The following TRPC4AP variants were observed in gnomAD, a reference collection of about 807,000 sequenced individuals.
TRPC4AP encodes transient receptor potential cation channel subfamily C member 4 associated protein.
In TRPC4AP, 45 loss-of-function variants were observed where a neutral mutation model predicts 99.0. That is an observed-to-expected ratio of 0.45 (90% CI 0.36 to 0.58). The LOEUF (loss-of-function observed/expected upper bound fraction) is 0.58, where lower values mean the gene tolerates loss of function less well. TRPC4AP is among the 20% of genes least tolerant of loss of function. The probability of loss-of-function intolerance (pLI) is 0.00; values close to 1 mark genes in which losing one functional copy is unlikely to be tolerated. For missense variants in TRPC4AP, 879 were observed against 985.3 expected, an observed-to-expected ratio of 0.89 and a Z score of 1.44; for synonymous variants, 408 against 385.8, an observed-to-expected ratio of 1.06 and a Z score of -0.67.
chr20:35,068,307 G>C (rs183031797), intron 3 of TRPC4AP, among the ~76,000 whole-genome samples: 1 of 151,924 alleles, frequency 6.6e-6, no homozygotes, highest in African/African-American at 2.4e-5. Context: ...TTGTTCCTGG[G>C]GATATAAACT....
At position 35,003,097 on chromosome 20, in the gene TRPC4AP, C is replaced by T. The variant is rs2082427716; in HGVS notation, c.*49G>A. The T allele has an allele frequency of 2.5e-6, 4 of 1,608,948 alleles. No individual in the cohort carries two copies. The highest frequency in any genetic ancestry group is 3.4e-6 in the Non-Finnish European group (4 of 1,177,404). On this transcript the variant is annotated 3_prime_UTR_variant, in exon 19 of 19. Coordinates refer to ENST00000252015, the MANE Select transcript of TRPC4AP (RefSeq NM_015638.3). Reference sequence around the variant, plus strand: ...CAGGGCAGGGCGTGTGGCATCGTACCCACGCTCACCCACACTGGCCCAGCA... The same window carrying T: ...CAGGGCAGGGCGTGTGGCATCGTACTCACGCTCACCCACACTGGCCCAGCA...
At chr20:35,067,355 T>C (rs1393596990) in intron 3 of TRPC4AP, among the ~76,000 whole-genome samples, 5 of 152,120 alleles carry the variant, frequency 3.3e-5, no homozygotes, top group Admixed American at 6.5e-5. Flanking sequence ...ACTTTCAAAA[T>C]GACAGATAAC....
At chr20:35,078,242 GA>G (rs2146017123) in intron 1 of TRPC4AP, 68 bp from the exon 2 acceptor site, 1 of 1,541,844 alleles carries the variant, frequency 6.5e-7, no homozygotes, top group Non-Finnish European at 8.8e-7. Flanking sequence ...CGGCAAAGGA[GA>G]GCAGCCGACT....
intron 3 of TRPC4AP, among the ~76,000 whole-genome samples, chr20:35,066,026 TCTTTA>T (rs1283251815): frequency 7.9e-5 from 12 of 152,194 alleles, no homozygotes; most frequent in South Asian, 2.1e-4. Context: ...TCACACTCAA[TCTTTA>T]CTTTACTGGA....
intron 1 of TRPC4AP, among the ~76,000 whole-genome samples, chr20:35,089,495 G>A (rs1310665713): frequency 6.6e-6 from 1 of 150,908 alleles, no homozygotes; most frequent in Non-Finnish European, 1.5e-5. Flanking sequence ...GTCTCCCAAA[G>A]TGCTGGGATT....
intron 8 of TRPC4AP, among the ~76,000 whole-genome samples, chr20:35,030,119 T>C (rs1332002313): frequency 1.3e-5 from 2 of 150,774 alleles, no homozygotes; most frequent in Non-Finnish European, 3.0e-5. Context: ...CACATGCCTG[T>C]AATCCCAGCT....
At chr20:35,021,520 G>A (rs764370691) in intron 8 of TRPC4AP, among the ~76,000 whole-genome samples, 164 bp from the exon 9 acceptor site, 2 of 152,246 alleles carry the variant, frequency 1.3e-5, no homozygotes, top group Non-Finnish European at 2.9e-5. Flanking sequence ...AATCCCAGGA[G>A]CCAGGTGAGC....
chr20:35,014,314 AT>A (rs66518839), intron 10 of TRPC4AP, among the ~76,000 whole-genome samples: 38 of 113,180 alleles, frequency 3.4e-4, no homozygotes, highest in East Asian at 5.1e-4. Context: ...CTCAGGCAGA[AT>A]TTTTTTTTTT....
chr20:35,065,783 C>T (rs1463772513), intron 3 of TRPC4AP, among the ~76,000 whole-genome samples: 1 of 152,138 alleles, frequency 6.6e-6, no homozygotes, highest in African/African-American at 2.4e-5. Flanking sequence ...TACTAGAGAG[C>T]CACATTTCCA....
chr20:35,023,025 A>C (rs1362015599), intron 8 of TRPC4AP, among the ~76,000 whole-genome samples: 1 of 26,610 alleles, frequency 3.8e-5, no homozygotes, highest in African/African-American at 7.6e-5. Flanking sequence ...GGACTGTCTC[A>C]AAAAAAAAAA....
intron 3 of TRPC4AP, among the ~76,000 whole-genome samples, chr20:35,063,850 C>T (rs1479288533): frequency 2.0e-5 from 3 of 152,034 alleles, no homozygotes; most frequent in African/African-American, 7.2e-5. Context: ...CACAGTGCAA[C>T]TCTATCTCTA....
chr20:35,085,296 C>T (rs1040091599), intron 1 of TRPC4AP, among the ~76,000 whole-genome samples: 4 of 152,166 alleles, frequency 2.6e-5, no homozygotes, highest in Non-Finnish European at 4.4e-5. Flanking sequence ...CATTGTCTTA[C>T]AAGGCATGTA....
At chr20:35,030,148 G>A (rs996010240) in intron 8 of TRPC4AP, among the ~76,000 whole-genome samples, 8 of 150,698 alleles carry the variant, frequency 5.3e-5, no homozygotes, top group African/African-American at 1.9e-4. Flanking sequence ...GGCTGAGGTA[G>A]GGGAATCACT....
chr20:35,068,155 G>A (rs1430852350), intron 3 of TRPC4AP, among the ~76,000 whole-genome samples: 1 of 152,154 alleles, frequency 6.6e-6, no homozygotes, highest in African/African-American at 2.4e-5. Context: ...AATTTGGGTG[G>A]TAGTGCAAAA....
intron 6 of TRPC4AP, among the ~76,000 whole-genome samples, chr20:35,048,903 A>C (rs2083625625): frequency 6.6e-6 from 1 of 152,188 alleles, no homozygotes; most frequent in African/African-American, 2.4e-5. Flanking sequence ...ACACATCTCC[A>C]ATGTGTTCCT....
At chr20:35,020,681 G>A (rs772140897) in intron 9 of TRPC4AP, among the ~76,000 whole-genome samples, 12 of 152,242 alleles carry the variant, frequency 7.9e-5, no homozygotes, top group Non-Finnish European at 1.6e-4. Context: ...TCTTGAGGAG[G>A]GCCGCACTGT....
intron 3 of TRPC4AP, among the ~76,000 whole-genome samples, chr20:35,060,412 C>T (rs117092869): frequency 2.0e-5 from 3 of 151,824 alleles, no homozygotes; most frequent in East Asian, 1.9e-4. Context: ...CATAGTGAGA[C>T]CCTGTCTCTA....
At chr20:35,069,047 A>G (rs755921645) in intron 3 of TRPC4AP, among the ~76,000 whole-genome samples, 1 of 151,952 alleles carries the variant, frequency 6.6e-6, no homozygotes, top group Non-Finnish European at 1.5e-5. Flanking sequence ...TGAGGAGGGG[A>G]CACTGGGAAA....
chr20:35,007,469 G>A (rs2082538101), intron 14 of TRPC4AP, 81 bp downstream of exon 14: 10 of 1,410,564 alleles, frequency 7.1e-6, no homozygotes, highest in Middle Eastern at 3.9e-4. Flanking sequence ...CTGATGAACT[G>A]TTTGGGGCTC....
Sources: gnomAD v4.1 joint callset for allele counts (sites outside exome capture counted in the v4.1 genomes callset) on GRCh38, gnomAD v4.1.1 for gene constraint, MANE v1.5 for transcripts, NCBI Gene and HGNC (gene_info 2026-07-23, HGNC 2026-07-21) for gene names.